Variants in LMBRD2 observed in about 807,000 individuals in gnomAD.
LMBRD2 encodes the protein G protein-coupled receptor-associated protein LMBRD2.
LMBRD2 carries 55 observed loss-of-function variants against 94.4 expected under a neutral mutation model. The ratio of observed to expected loss-of-function variants is 0.58; its 90% CI spans 0.47 to 0.73. The LOEUF (loss-of-function observed/expected upper bound fraction) is 0.73, where lower values mean the gene tolerates loss of function less well. Among genes scored for constraint, LMBRD2 ranks in the 30% least tolerant of loss-of-function variants. The probability of loss-of-function intolerance (pLI) is 0.00; values close to 1 mark genes in which losing one functional copy is unlikely to be tolerated. For missense variants in LMBRD2, 640 were observed against 831.9 expected (o/e 0.77, Z 2.84); for synonymous variants, 246 against 272.4 (o/e 0.90, Z 0.95).
intron 6 of LMBRD2, among the ~76,000 whole-genome samples, chr5:36,127,773 C>T (rs138003433): frequency 1.3e-3 from 195 of 152,260 alleles, no homozygotes; most frequent in African/African-American, 4.5e-3. Context: ...GTTTTTGGCT[C>T]CAGGCCCTAG....
intron 13 of LMBRD2, among the ~76,000 whole-genome samples, chr5:36,113,990 C>T (rs1474414122): frequency 6.6e-6 from 1 of 152,100 alleles, no homozygotes; most frequent in Non-Finnish European, 1.5e-5. Flanking sequence ...TCACCTGACC[C>T]TTTGTGCTGG....
rs1245558962 is a variant in LMBRD2 at position 36,136,517 on chromosome 5, T to G, written c.539A>C (p.Asn180Thr). ...AVNPHLHLEWNQLQTIGIAAA... is the reference protein window; with the variant it reads ...AVNPHLHLEWTQLQTIGIAAA... The stretch of plus-strand genomic sequence containing the variant: ...AGCTATCCCAATTGTCTGAAGCTGG[T>G]TCCTAAGAAAGGGAAACAACAGATA... Residue 180 changes from asparagine to threonine, a missense_variant and splice_region_variant, in exon 6 of 18, where the codon AAC (asparagine) becomes ACC (threonine). Asn to Thr is a moderately conservative substitution (Grantham distance 65, BLOSUM62 0). Around this residue, in one of 2 missense-constraint regions of LMBRD2, gnomAD observed 457 missense variants for 642.8 expected, o/e 0.71. Transcript: ENST00000296603. 6 of 1,613,540 alleles carry G rather than the reference T, an allele frequency of 3.7e-6. No individual in the cohort carries two copies. Among genetic ancestry groups the G allele is most frequent in the Middle Eastern group, 1.6e-4 (1 of 6,062 alleles).
At chr5:36,136,564 G>C in intron 5 of LMBRD2, 45 bp from the exon 6 acceptor site, 1 of 1,523,300 alleles carries the variant, frequency 6.6e-7, no homozygotes, top group Non-Finnish European at 9.1e-7. Context: ...TTAATGGAAA[G>C]ATAAAATGCG....
intron 2 of LMBRD2, chr5:36,142,803 C>A (rs890821360): frequency 7.3e-6 from 3 of 408,232 alleles, no homozygotes; most frequent in Non-Finnish European, 1.3e-5. Context: ...CGGCTTACTG[C>A]AAGCTCCGCC....
Position 36,102,468 on chromosome 5 carries a change from G to C in LMBRD2, c.*1578C>G, listed in dbSNP as rs567207191. The C allele has an allele frequency of 1.3e-5, 2 of 151,784 alleles. No homozygotes were observed. The highest frequency in any genetic ancestry group is 3.0e-5 in the Non-Finnish European group (2 of 67,784). 9.4% of individuals were successfully genotyped at this position (151,784 alleles called of 1,614,324 possible). On this transcript the variant is annotated 3_prime_UTR_variant, in exon 18 of 18. Coordinates refer to ENST00000296603, the MANE Select transcript of LMBRD2 (RefSeq NM_001007527.2). ...CACACTTCACATGAAAAGACTGTAT[G>C]TGTGTGTTCTTAAGTGTAGTCTATA...
chr5:36,147,897 C>T, intron 1 of LMBRD2: 1 of 433,380 alleles, frequency 2.3e-6, no homozygotes, highest in Non-Finnish European at 4.7e-6. Context: ...TGAAAAATTT[C>T]TGACCGGAAC....
rs146464507 is a variant in LMBRD2 at position 36,150,347 on chromosome 5, A to G, written c.-58+1209T>C. ...ATCATCTCATCGATTAAACCTTCCTATCTATGAGATCTATATCTGAAGTGG... is the reference window on the plus strand; with the variant it reads ...ATCATCTCATCGATTAAACCTTCCTGTCTATGAGATCTATATCTGAAGTGG... On this transcript the variant is annotated intron_variant, in intron 1 of 17. Transcript: ENST00000296603. Among the ~76,000 whole-genome samples the G allele has an allele frequency of 2.3e-3, 357 of 152,320 alleles. 3 individuals carry two copies. Among genetic ancestry groups the G allele is most frequent in the African/African-American group, 8.2e-3 (339 of 41,560 alleles).
intron 8 of LMBRD2, 95 bp downstream of exon 8, chr5:36,122,753 T>C (rs1413141063): frequency 1.4e-6 from 2 of 1,404,620 alleles, no homozygotes; most frequent in African/African-American, 1.5e-5. Flanking sequence ...AAGTTTTAAA[T>C]ACACATTCAC....
chr5:36,146,532 G>T (rs1032765834), intron 1 of LMBRD2, among the ~76,000 whole-genome samples: 4 of 152,002 alleles, frequency 2.6e-5, no homozygotes, highest in African/African-American at 9.7e-5. Context: ...ACCACGCCTG[G>T]CTAATTTTAA....
intron 7 of LMBRD2, among the ~76,000 whole-genome samples, 198 bp downstream of exon 7, chr5:36,123,993 A>G (rs570464148): frequency 3.9e-5 from 6 of 152,128 alleles, no homozygotes; most frequent in Non-Finnish European, 8.8e-5. Context: ...ATTTCAATAG[A>G]AAATACTGCC....
At chr5:36,144,685 AAAAT>A (rs1008292176) in intron 1 of LMBRD2, among the ~76,000 whole-genome samples, 27 of 152,188 alleles carry the variant, frequency 1.8e-4, no homozygotes, top group Non-Finnish European at 2.6e-4. Context: ...ATTCTGTCTC[AAAAT>A]AAATAAATAA....
At chr5:36,148,694 A>C (rs975261660) in intron 1 of LMBRD2, among the ~76,000 whole-genome samples, 5 of 152,242 alleles carry the variant, frequency 3.3e-5, no homozygotes, top group Non-Finnish European at 5.9e-5. Context: ...AGAGAGGTTA[A>C]GTAACTTGTC....
Position 36,114,441 on chromosome 5 carries a change from G to A in LMBRD2, c.1623C>T (p.Cys541=). The change falls in exon 13 of 18, where the codon TGC becomes TGT. Residue 541 remains cysteine (C), a synonymous_variant. Coordinates refer to ENST00000296603, the MANE Select transcript of LMBRD2 (RefSeq NM_001007527.2). ...TTTCTTACCTAAAATAAGTAGCAAT[G>A]CAGAGAATTACCACCAACATAGGAT... The part of the protein sequence containing the change: ...IYYPMLVVIL[C]IATYFSLGTR... 1.3e-6 allele frequency: 2 copies of A among 1,557,588 alleles called. No individual in the cohort carries two copies. The highest frequency in any genetic ancestry group is 1.4e-5 in the African/African-American group (1 of 70,802).
At position 36,130,978 on chromosome 5, in the gene LMBRD2, T is replaced by C. The variant is rs77627145; in HGVS notation, c.747+5331A>G. ...CAGAGGAGGAGGGATACTTCCAAACTCAATCTACGAGGCCAGTATTGCCCT... is the reference window on the plus strand; with the variant it reads ...CAGAGGAGGAGGGATACTTCCAAACCCAATCTACGAGGCCAGTATTGCCCT... On this transcript the variant is annotated intron_variant, in intron 6 of 17. Transcript: ENST00000296603. Among the ~76,000 whole-genome samples the C allele has an allele frequency of 1.0e-2, 1,516 of 152,118 alleles. 12 individuals are homozygous for C. Among genetic ancestry groups the C allele is most frequent in the Middle Eastern group, 0.024 (7 of 294 alleles).
Position 36,142,570 on chromosome 5 carries a change from A to G in LMBRD2, c.204T>C (p.Ala68=). 6.2e-7 allele frequency: 1 copy of G among 1,611,020 alleles called. No homozygotes were observed. The highest frequency in any genetic ancestry group is 1.1e-5 in the South Asian group (1 of 91,002). ...TTIYNRCKHA[A]ANSSPPENSN... ...TATTCTCAGGAGGGCTTGAATTTGC[A>G]GCAGCATGCTTGCACCGGTTGTATA... The change falls in exon 3 of 18, where the codon GCT becomes GCC. Residue 68 remains alanine, a synonymous_variant. Transcript: ENST00000296603.
At chr5:36,150,480 G>A (rs1357820242) in intron 1 of LMBRD2, among the ~76,000 whole-genome samples, 1 of 151,692 alleles carries the variant, frequency 6.6e-6, no homozygotes, top group Non-Finnish European at 1.5e-5. Context: ...TCTCTGTTTT[G>A]TTCCCTTTCC....
Position 36,111,152 on chromosome 5 carries a change from T to C in LMBRD2, c.1744+3A>G. 6.4e-7 allele frequency: 1 copy of C among 1,550,738 alleles called. No homozygotes were observed. The highest frequency in any genetic ancestry group is 8.9e-7 in the Non-Finnish European group (1 of 1,126,848). ...TTCATTTATTTTAAAAGACAAATCT[T>C]ACCTTTTCTGATTAATTCTTTTCCT... On this transcript the variant is annotated splice_donor_region_variant and intron_variant, in intron 14 of 17. Coordinates refer to ENST00000296603, the MANE Select transcript of LMBRD2 (RefSeq NM_001007527.2).
chr5:36,114,546 T>C, intron 12 of LMBRD2, 25 bp from the exon 13 acceptor site: 1 of 1,514,694 alleles, frequency 6.6e-7, no homozygotes, highest in Non-Finnish European at 8.8e-7. Context: ...AAAAGTAAGT[T>C]AAATTGGAAT....
At chr5:36,129,565 C>T (rs78523852) in intron 6 of LMBRD2, among the ~76,000 whole-genome samples, 1 of 151,920 alleles carries the variant, frequency 6.6e-6, no homozygotes, top group Admixed American at 6.6e-5. Context: ...CAAACAAAAG[C>T]TGAGAGATTT....
Sources: gnomAD v4.1 joint callset for allele counts (sites outside exome capture counted in the v4.1 genomes callset) on GRCh38, gnomAD v4.1.1 for gene constraint, gnomAD v4.1.1 regional missense constraint, MANE v1.5 for transcripts, NCBI Gene and HGNC (gene_info 2026-07-23, HGNC 2026-07-21) for gene names.